Variants in ODAM observed in about 807,000 individuals in gnomAD.
ODAM encodes odontogenic ameloblast-associated protein.
A neutral mutation model predicts 48.5 loss-of-function variants in ODAM; 55 were observed. That is an observed-to-expected ratio of 1.13 (90% CI 0.91 to 1.42). ODAM has a LOEUF of 1.42. ODAM is among the 40% of genes most tolerant of loss of function. The probability of loss-of-function intolerance (pLI) is 0.00; values close to 1 mark genes in which losing one functional copy is unlikely to be tolerated. For synonymous variants in ODAM, 127 were observed against 107.8 expected (o/e 1.18, Z -1.10); for missense variants, 353 against 323.6 (o/e 1.09, Z -0.70).
chr4:70,202,928 G>A lies in ODAM; in HGVS notation c.810+11G>A. 4 of 1,591,192 alleles carry A rather than the reference G, an allele frequency of 2.5e-6. No individual in the cohort carries two copies. Among genetic ancestry groups the A allele is most frequent in the Non-Finnish European group, 3.4e-6 (4 of 1,172,150 alleles). Reference sequence around the variant, plus strand: ...CTCCCAGAAGAGAAGGTAGAGTCATGAAAACTTCACTTTATGCAAAAAAAT... The same window carrying A: ...CTCCCAGAAGAGAAGGTAGAGTCATAAAAACTTCACTTTATGCAAAAAAAT... On this transcript the variant is annotated intron_variant, in intron 10 of 11. Transcript: ENST00000683306.
chr4:70,198,689 A>G, intron 6 of ODAM, 63 bp downstream of exon 6: 4 of 1,308,202 alleles, frequency 3.1e-6, no homozygotes, highest in Non-Finnish European at 3.3e-6. Flanking sequence ...AATGCTTTCT[A>G]TTTCTAGCTC....
chr4:70,200,014 C>T (rs1005496774), intron 6 of ODAM: 16 of 375,194 alleles, frequency 4.3e-5, no homozygotes, highest in African/African-American at 8.8e-5. Context: ...CTTGATTTAC[C>T]AAATATCCTA....
Position 70,201,440 on chromosome 4 carries a change from A to T in ODAM, c.529-14A>T, listed in dbSNP as rs202036656. On this transcript the variant is annotated splice_polypyrimidine_tract_variant and intron_variant, in intron 7 of 11. Transcript: ENST00000683306. ...TCACAGAAAATATAATACATTTTTT[A>T]AAAAATCTGACAGATACCATTCTAT... 4.0e-5 allele frequency: 56 copies of T among 1,402,140 alleles called. No homozygotes were observed. The highest frequency in any genetic ancestry group is 1.7e-4 in the East Asian group (7 of 42,316). The allele number at this position is 1,402,140 out of a possible 1,614,324, so 86.9% of individuals were successfully genotyped here. A position where few individuals can be genotyped will look rare whatever the true frequency, so the allele number is the denominator to read the frequency against.
chr4:70,197,155 C>T, intron 3 of ODAM, 119 bp from the exon 4 acceptor site: 1 of 628,274 alleles, frequency 1.6e-6, no homozygotes, highest in South Asian at 1.9e-5. Context: ...AGAAAATGTC[C>T]CACTTCTAAC....
intron 1 of ODAM, among the ~76,000 whole-genome samples, chr4:70,196,177 C>T (rs995932093): frequency 6.6e-5 from 10 of 151,930 alleles, no homozygotes; most frequent in Non-Finnish European, 8.8e-5. Context: ...TAGCCTTAGT[C>T]ATGACCTCCC....
At chr4:70,203,069 A>C in intron 10 of ODAM, 87 bp from the exon 11 acceptor site, 2 of 1,368,252 alleles carry the variant, frequency 1.5e-6, no homozygotes, top group South Asian at 1.2e-5. Context: ...TAAGGTGGCC[A>C]AAACTTGTTT....
chr4:70,198,897 A>G (rs957984757), intron 6 of ODAM, among the ~76,000 whole-genome samples: 13 of 152,004 alleles, frequency 8.6e-5, no homozygotes, highest in Admixed American at 1.3e-4. Context: ...AGTAAGCCCC[A>G]GGTCATGTCC....
At chr4:70,203,833 C>G (rs1383412240) in intron 11 of ODAM, among the ~76,000 whole-genome samples, 1 of 151,936 alleles carries the variant, frequency 6.6e-6, no homozygotes, top group Non-Finnish European at 1.5e-5. Flanking sequence ...GAAATCTCCT[C>G]CCTGCTGCCT....
intron 1 of ODAM, 80 bp downstream of exon 1, chr4:70,195,873 C>G (rs1444754441): frequency 6.5e-6 from 3 of 462,872 alleles, no homozygotes; most frequent in African/African-American, 2.1e-5. Flanking sequence ...CAAGTTCACC[C>G]TAAATGCTTG....
Position 70,197,269 on chromosome 4 carries a change from T to G in ODAM, c.94-5T>G. On this transcript the variant is annotated splice_polypyrimidine_tract_variant and splice_region_variant and intron_variant, in intron 3 of 11. Transcript: ENST00000683306. ...CTTGATTTCATATTATTTTTCTTTT[T>G]CTAGTTACTTCTTAATCTTAATAAT... 7.6e-7 allele frequency: 1 copy of G among 1,313,986 alleles called. No homozygotes were observed. The highest frequency in any genetic ancestry group is 1.1e-6 in the Non-Finnish European group (1 of 910,510). 81.4% of individuals were successfully genotyped at this position (1,313,986 alleles called of 1,614,324 possible).
At chr4:70,199,183 A>C (rs1422620276) in intron 6 of ODAM, among the ~76,000 whole-genome samples, 4 of 152,032 alleles carry the variant, frequency 2.6e-5, no homozygotes, top group African/African-American at 9.7e-5. Flanking sequence ...AAATGAATGC[A>C]AACTAGTATA....
intron 9 of ODAM, 43 bp from the exon 10 acceptor site, chr4:70,202,713 G>C (rs772061891): frequency 6.5e-7 from 1 of 1,539,226 alleles, no homozygotes; most frequent in South Asian, 1.2e-5. Flanking sequence ...TGGCCTTCTT[G>C]TTGAACTTAC....
intron 4 of ODAM, 99 bp from the exon 5 acceptor site, chr4:70,197,825 A>C: frequency 1.2e-6 from 1 of 849,760 alleles, no homozygotes; most frequent in Non-Finnish European, 1.9e-6. Flanking sequence ...TTGGAACTAT[A>C]GAAATTGTTT....
intron 1 of ODAM, among the ~76,000 whole-genome samples, chr4:70,196,178 A>G (rs1019151261): frequency 4.6e-5 from 7 of 151,986 alleles, no homozygotes; most frequent in Non-Finnish European, 1.0e-4. Flanking sequence ...AGCCTTAGTC[A>G]TGACCTCCCA....
chr4:70,198,588 T>G lies in ODAM; in HGVS notation c.385T>G (p.Tyr129Asp). Residue 129 changes from tyrosine (Y) to aspartate (D), a missense_variant, in exon 6 of 12, where the codon TAT becomes GAT. By Grantham distance (160) the Tyr-to-Asp change is radical. Transcript: ENST00000683306. The stretch of plus-strand genomic sequence containing the variant: ...TTCTTTTTTTTGGCAGGTGATGCCC[T>G]ATGTATTCTCCTTCAAAATGCCTCA... ...TQPGPSHVMPYVFSFKMPQEQ... is the reference protein window; with the variant it reads ...TQPGPSHVMPDVFSFKMPQEQ... 6 of 1,597,414 alleles carry G rather than the reference T, an allele frequency of 3.8e-6. No homozygotes were observed. The highest frequency in any genetic ancestry group is 4.3e-6 in the Non-Finnish European group (5 of 1,174,720).
chr4:70,199,290 A>G (rs976663860), intron 6 of ODAM, among the ~76,000 whole-genome samples: 4 of 152,120 alleles, frequency 2.6e-5, no homozygotes, highest in South Asian at 2.1e-4. Context: ...AAATTATATT[A>G]CTCATCACAG....
chr4:70,198,441 G>T (rs966752006), intron 5 of ODAM, 138 bp from the exon 6 acceptor site: 2 of 698,738 alleles, frequency 2.9e-6, no homozygotes, highest in Admixed American at 6.4e-5. Context: ...GTCAGCACAT[G>T]TAACGGATGA....
In ODAM at chr4:70,196,556, A is replaced by T; in HGVS notation, c.13A>T (p.Ile5Phe). Reference sequence around the variant, plus strand: ...ATATCATACGAAAATGAAAATTATAATTCTTCTTGGATTCCTGGGAGCCAC... The same window carrying T: ...ATATCATACGAAAATGAAAATTATATTTCTTCTTGGATTCCTGGGAGCCAC... MKII[I>F]LLGFLGATLS... Residue 5 changes from isoleucine to phenylalanine, a missense_variant, in exon 2 of 12, where the codon ATT becomes TTT. By Grantham distance (21) the Ile-to-Phe change is conservative. Transcript: ENST00000683306. 6.3e-7 allele frequency: 1 copy of T among 1,587,548 alleles called. No individual in the cohort carries two copies. Among genetic ancestry groups the T allele is most frequent in the African/African-American group, 1.3e-5 (1 of 74,578 alleles).
At chr4:70,200,186 T>C (rs1729465962) in intron 6 of ODAM, 1 of 405,304 alleles carries the variant, frequency 2.5e-6, no homozygotes, top group Non-Finnish European at 4.6e-6. Context: ...CTTAGGTATT[T>C]GCAAAGTAAT....
Sources: allele counts gnomAD v4.1 joint callset (sites outside exome capture counted in the v4.1 genomes callset), GRCh38; gene constraint gnomAD v4.1.1; transcripts MANE v1.5; gene names NCBI Gene and HGNC (gene_info 2026-07-23, HGNC 2026-07-21).